Variants in XPNPEP1 observed in about 807,000 individuals in gnomAD.
XPNPEP1 encodes X-prolyl aminopeptidase 1.
In XPNPEP1, 39 loss-of-function variants were observed where a neutral mutation model predicts 92.4. That is an observed-to-expected ratio of 0.42 (90% CI 0.33 to 0.55). The LOEUF (loss-of-function observed/expected upper bound fraction) is 0.55, where lower values mean the gene tolerates loss of function less well. Among genes scored for constraint, XPNPEP1 ranks in the 20% least tolerant of loss-of-function variants. XPNPEP1 has a pLI of 0.08. For synonymous variants in XPNPEP1, 307 were observed against 299.4 expected (o/e 1.03, Z -0.26); for missense variants, 654 against 856.1 (o/e 0.76, Z 2.95).
At position 109,879,642 on chromosome 10, in the gene XPNPEP1, A is replaced by G. The variant is rs190160590; in HGVS notation, c.1182+546T>C. On this transcript the variant is annotated intron_variant, in intron 12 of 20. Transcript: ENST00000502935. The stretch of plus-strand genomic sequence containing the variant: ...CAATCACCAGAAGGAAACATGAGGG[A>G]AAAAGTTACACTAGTGGGAATAAAG... 3.0e-3 allele frequency among the ~76,000 whole-genome samples: 452 copies of G among 152,266 alleles called. 3 individuals are homozygous for G. In the Middle Eastern group the frequency reaches 0.051, roughly 17 times the overall value.
chr10:109,892,851 C>T (rs1299051729), intron 4 of XPNPEP1, among the ~76,000 whole-genome samples, 161 bp downstream of exon 4: 3 of 152,024 alleles, frequency 2.0e-5, no homozygotes, highest in African/African-American at 4.8e-5. Flanking sequence ...CCTTGGGGAG[C>T]AGGGAAAGAC....
intron 20 of XPNPEP1, among the ~76,000 whole-genome samples, chr10:109,865,924 G>A (rs1038644862): frequency 6.6e-6 from 1 of 152,186 alleles, no homozygotes; most frequent in African/African-American, 2.4e-5. Context: ...GTGAAAGGAA[G>A]GACCTGCTGG....
intron 20 of XPNPEP1, among the ~76,000 whole-genome samples, chr10:109,866,176 T>G (rs1847132006): frequency 6.6e-6 from 1 of 152,142 alleles, no homozygotes; most frequent in African/African-American, 2.4e-5. Context: ...CAAAGGCCAT[T>G]TTGGAGGGCA....
In XPNPEP1 at chr10:109,865,101, G is replaced by GA; in HGVS notation, c.*82dup. 1 of 1,583,668 alleles carries GA rather than the reference G, an allele frequency of 6.3e-7. No individual in the cohort carries two copies. The highest frequency in any genetic ancestry group is 8.6e-7 in the Non-Finnish European group (1 of 1,159,828). On this transcript the variant is annotated 3_prime_UTR_variant, in exon 21 of 21. Coordinates refer to ENST00000502935, the MANE Select transcript of XPNPEP1 (RefSeq NM_020383.4). ...AAGGGGAGGTAGGGAAGAAGGAAAG[G>GA]AAAGGGGAAAGATGTCAGGGATCTG...
rs1850679936 is a variant in XPNPEP1, at chr10:109,923,492, G to A, written c.-59C>T. 1 of 1,328,864 alleles carries A rather than the reference G, an allele frequency of 7.5e-7. No individual in the cohort carries two copies. The highest frequency in any genetic ancestry group is 1.6e-5 in the South Asian group (1 of 61,040). The allele number at this position is 1,328,864 out of a possible 1,614,324, so 82.3% of individuals were successfully genotyped here. ...AGCGCAGACCAGCTGATCACCCGCG[G>A]AAGGGCCGGCGCGAAGGAGGCGCGA... On this transcript the variant is annotated 5_prime_UTR_variant, in exon 1 of 21. Transcript: ENST00000502935.
chr10:109,882,353 T>C (rs1848147680), intron 10 of XPNPEP1, 79 bp downstream of exon 10: 2 of 1,513,524 alleles, frequency 1.3e-6, no homozygotes, highest in Non-Finnish European at 1.8e-6. Flanking sequence ...GCCTCAGAAA[T>C]CTGCCTGTGC....
intron 3 of XPNPEP1, among the ~76,000 whole-genome samples, chr10:109,899,925 T>C (rs1174571436): frequency 1.3e-5 from 2 of 152,212 alleles, no homozygotes; most frequent in Non-Finnish European, 2.9e-5. Flanking sequence ...CGAATCCCAA[T>C]ATACGACTAG....
intron 5 of XPNPEP1, among the ~76,000 whole-genome samples, chr10:109,889,938 C>T (rs1848607674): frequency 6.6e-6 from 1 of 151,844 alleles, no homozygotes; most frequent in African/African-American, 2.4e-5. Flanking sequence ...TTTTTCAAAC[C>T]ACTAAACAAG....
chr10:109,923,382 T>TGCCG lies in XPNPEP1; in HGVS notation c.32+16_32+19dup. 7.0e-7 allele frequency: 1 copy of TGCCG among 1,430,548 alleles called. No individual in the cohort carries two copies. Among genetic ancestry groups the TGCCG allele is most frequent in the Non-Finnish European group, 9.2e-7 (1 of 1,091,148 alleles). 88.6% of individuals were successfully genotyped at this position (1,430,548 alleles called of 1,614,324 possible). A position where few individuals can be genotyped will look rare whatever the true frequency, so the allele number is the denominator to read the frequency against. ...GGCTGCACGCTGCCCGGACGCCGGCTGCCGGCGGAGTGCCCTCACCTTACT... is the reference window on the plus strand; with the variant it reads ...GGCTGCACGCTGCCCGGACGCCGGCTGCCGGCCGGCGGAGTGCCCTCACCTTACT... On this transcript the variant is annotated intron_variant, in intron 1 of 20. Transcript: ENST00000502935.
chr10:109,908,786 T>C (rs964611354), intron 2 of XPNPEP1, among the ~76,000 whole-genome samples: 1 of 152,224 alleles, frequency 6.6e-6, no homozygotes, highest in Non-Finnish European at 1.5e-5. Context: ...TTTTCTGCTT[T>C]TTAAATTTGA....
At chr10:109,895,188 ACT>A (rs1178800426) in intron 3 of XPNPEP1, among the ~76,000 whole-genome samples, 4 of 152,206 alleles carry the variant, frequency 2.6e-5, no homozygotes, top group African/African-American at 9.6e-5. Flanking sequence ...CAGTGAGGGC[ACT>A]CTCCACCAAC....
At chr10:109,916,702 C>G (rs994609489) in intron 1 of XPNPEP1, among the ~76,000 whole-genome samples, 1 of 152,088 alleles carries the variant, frequency 6.6e-6, no homozygotes, top group Non-Finnish European at 1.5e-5. Context: ...CCCAATATGT[C>G]TTCTAAAATA....
At chr10:109,891,598 T>C (rs1180155613) in intron 5 of XPNPEP1, 124 bp downstream of exon 5, 2 of 759,836 alleles carry the variant, frequency 2.6e-6, no homozygotes, top group African/African-American at 3.7e-5. Context: ...TTCTCAGTTT[T>C]CCTTGGATTC....
intron 1 of XPNPEP1, among the ~76,000 whole-genome samples, chr10:109,916,851 A>G (rs1036046086): frequency 7.9e-5 from 12 of 152,234 alleles, no homozygotes; most frequent in African/African-American, 2.7e-4. Context: ...ATAACAGGCC[A>G]TATCAATAGA....
chr10:109,907,336 T>C (rs1564787034), intron 3 of XPNPEP1, among the ~76,000 whole-genome samples: 1 of 152,198 alleles, frequency 6.6e-6, no homozygotes, highest in Non-Finnish European at 1.5e-5. Flanking sequence ...ATGAGGTCTC[T>C]GCCTCTCCAA....
chr10:109,876,434 C>T (rs1355603616), intron 14 of XPNPEP1: 2 of 152,254 alleles, frequency 1.3e-5, no homozygotes, highest in Admixed American at 6.5e-5. Flanking sequence ...GGCTTCCAAC[C>T]ACCCACAATG....
intron 17 of XPNPEP1, chr10:109,871,170 G>A: frequency 5.9e-6 from 2 of 339,490 alleles, no homozygotes. Flanking sequence ...TATCAGACAT[G>A]GACGTTCCCT....
chr10:109,865,920 G>A (rs879233692), intron 20 of XPNPEP1, among the ~76,000 whole-genome samples: 13 of 152,206 alleles, frequency 8.5e-5, no homozygotes, highest in African/African-American at 7.2e-5. Flanking sequence ...GAGAGTGAAA[G>A]GAAGGACCTG....
chr10:109,870,311 A>G (rs994080782), intron 18 of XPNPEP1, among the ~76,000 whole-genome samples: 5 of 139,848 alleles, frequency 3.6e-5, no homozygotes, highest in Non-Finnish European at 8.0e-5. Context: ...CATGGTTCAC[A>G]TCCGTAAGAC....
Sources: allele counts gnomAD v4.1 joint callset (sites outside exome capture counted in the v4.1 genomes callset), GRCh38; gene constraint gnomAD v4.1.1; transcripts MANE v1.5; gene names NCBI Gene and HGNC (gene_info 2026-07-23, HGNC 2026-07-21).